The following OTOG variants were observed in gnomAD, a reference collection of about 807,000 sequenced individuals.
OTOG encodes the protein otogelin.
OTOG carries 296 observed loss-of-function variants against 313.8 expected under a neutral mutation model. The ratio of observed to expected loss-of-function variants is 0.94; its 90% CI spans 0.86 to 1.04. The LOEUF (loss-of-function observed/expected upper bound fraction) is 1.04. Among genes scored for constraint, OTOG ranks in the 50% least tolerant of loss-of-function variants. The pLI is 0.00. For missense variants in OTOG, 3,948 were observed against 3,840.1 expected, an observed-to-expected ratio of 1.03 and a Z score of -0.74; for synonymous variants, 1,533 against 1,554.9, an observed-to-expected ratio of 0.99 and a Z score of 0.33.
intron 32 of OTOG, among the ~76,000 whole-genome samples, chr11:17,604,065 A>G (rs1853320716): frequency 6.6e-6 from 1 of 152,146 alleles, no homozygotes; most frequent in African/African-American, 2.4e-5. Context: ...AGGCCCAGAG[A>G]GATTAAGTGA....
chr11:17,629,066 AGATGGATG>A (rs1325047905), intron 39 of OTOG, 59 bp from the exon 40 acceptor site: 1 of 1,410,032 alleles, frequency 7.1e-7, no homozygotes, highest in Non-Finnish European at 9.7e-7. Flanking sequence ...ATGGACGGAC[AGATGGATG>A]GATGGATGGA....
chr11:17,594,260 G>A, intron 28 of OTOG, 94 bp downstream of exon 28: 3 of 1,466,874 alleles, frequency 2.0e-6, no homozygotes, highest in Non-Finnish European at 2.8e-6. Context: ...AGGGATGCTG[G>A]TGTGAGGTTT....
rs1242398133 is a variant in OTOG at position 17,633,846 on chromosome 11, T to G, written c.7239T>G (p.Ser2413=). 2 of 1,546,224 alleles carry G rather than the reference T, an allele frequency of 1.3e-6. No individual in the cohort carries two copies. The highest frequency in any genetic ancestry group is 1.7e-6 in the Non-Finnish European group (2 of 1,145,224). Residue 2413 remains serine (S), a synonymous_variant, in exon 43 of 56, where the codon TCT becomes TCG. Coordinates refer to ENST00000399397, the MANE Select transcript of OTOG (RefSeq NM_001292063.2). ...GCACCATCTTACACCGGCGCCACTCTGCACTCTGCATCCCGGAGGCCAAGT... is the reference window on the plus strand; with the variant it reads ...GCACCATCTTACACCGGCGCCACTCGGCACTCTGCATCCCGGAGGCCAAGT... ...SEGTILHRRH[S]ALCIPEAKCA...
intron 15 of OTOG, among the ~76,000 whole-genome samples, chr11:17,562,291 T>C (rs1192927269): frequency 4.6e-5 from 7 of 151,050 alleles, no homozygotes; most frequent in African/African-American, 1.4e-4. Context: ...AAAGTTAGTT[T>C]TGATTGTTGG....
chr11:17,605,358 C>T (rs1853356293), intron 32 of OTOG, among the ~76,000 whole-genome samples: 1 of 152,204 alleles, frequency 6.6e-6, no homozygotes, highest in Non-Finnish European at 1.5e-5. Context: ...GTTGCCAATG[C>T]TGGCCCTGTG....
intron 39 of OTOG, among the ~76,000 whole-genome samples, chr11:17,621,058 C>CT (rs1241316331): frequency 6.6e-6 from 1 of 152,002 alleles, no homozygotes; most frequent in Non-Finnish European, 1.5e-5. Context: ...CCTTGTCTAC[C>CT]GTGTGTGTCA....
intron 20 of OTOG, 29 bp from the exon 21 acceptor site, chr11:17,576,527 C>G: frequency 6.5e-7 from 1 of 1,533,872 alleles, no homozygotes; most frequent in Non-Finnish European, 8.8e-7. Context: ...TGAGCCTGCT[C>G]ACCTTTCTTT....
chr11:17,582,729 A>G (rs1037602682), intron 23 of OTOG, among the ~76,000 whole-genome samples: 14 of 152,148 alleles, frequency 9.2e-5, no homozygotes, highest in Non-Finnish European at 1.8e-4. Flanking sequence ...GTAATTTTTC[A>G]TATACTTATT....
intron 15 of OTOG, among the ~76,000 whole-genome samples, chr11:17,566,939 A>G (rs1852304388): frequency 6.6e-6 from 1 of 152,226 alleles, no homozygotes; most frequent in Non-Finnish European, 1.5e-5. Flanking sequence ...ATTTGCCTAC[A>G]TCAAGTTTCA....
chr11:17,552,061 A>G lies in OTOG; in HGVS notation c.278A>G (p.Lys93Arg). The change falls in exon 4 of 56, where the codon AAG becomes AGG. Residue 93 changes from lysine to arginine, a missense_variant. By Grantham distance (26) the Lys-to-Arg change is conservative. Transcript: ENST00000399397. ...SSWERRLHRA[K>R]CAPSYLFSCF... ...TGGGAAAGGCGGCTCCATCGGGCCAAGTGTGCACCATCCTGTAAGTGGCAC... is the reference window on the plus strand; with the variant it reads ...TGGGAAAGGCGGCTCCATCGGGCCAGGTGTGCACCATCCTGTAAGTGGCAC... 1 of 1,550,504 alleles carries G rather than the reference A, an allele frequency of 6.4e-7. No homozygotes were observed. The highest frequency in any genetic ancestry group is 1.2e-5 in the South Asian group (1 of 84,066).
At chr11:17,579,612 C>T (rs1442393997) in intron 23 of OTOG, among the ~76,000 whole-genome samples, 1 of 152,200 alleles carries the variant, frequency 6.6e-6, no homozygotes, top group African/African-American at 2.4e-5. Context: ...GAAAGAGAAC[C>T]TGCAAGCAAC....
chr11:17,587,453 G>A (rs1852822413), intron 24 of OTOG, among the ~76,000 whole-genome samples: 1 of 152,188 alleles, frequency 6.6e-6, no homozygotes, highest in African/African-American at 2.4e-5. Flanking sequence ...GGCCTGAGGT[G>A]AGCAGGAAGC....
At chr11:17,641,185 C>A in intron 51 of OTOG, 94 bp downstream of exon 51, 1 of 1,337,450 alleles carries the variant, frequency 7.5e-7, no homozygotes, top group Non-Finnish European at 1.0e-6. Flanking sequence ...CTTGAAGCTG[C>A]CCTAAACCCC....
At chr11:17,549,397 G>T (rs1239599508) in intron 3 of OTOG, among the ~76,000 whole-genome samples, 6 of 152,194 alleles carry the variant, frequency 3.9e-5, no homozygotes, top group Non-Finnish European at 8.8e-5. Context: ...GAGTGAGGGG[G>T]GATGGTGTGG....
In OTOG at chr11:17,570,312, T is replaced by A. The variant is rs1852376466; in HGVS notation, c.1877T>A (p.Leu626Gln). Residue 626 changes from leucine (L) to glutamine (Q), a missense_variant, in exon 17 of 56, where the codon CTG (leucine) becomes CAG (glutamine). Transcript: ENST00000399397. Reference sequence around the variant, plus strand: ...GACCGTGAAGGGCTCCGACTGTACCTGCAAGTGGACCAGCGATGGGTGGAG... The same window carrying A: ...GACCGTGAAGGGCTCCGACTGTACCAGCAAGTGGACCAGCGATGGGTGGAG... ...LYDREGLRLY[L>Q]QVDQRWVEDT... 1 of 1,550,772 alleles carries A rather than the reference T, an allele frequency of 6.4e-7. No individual in the cohort carries two copies. Among genetic ancestry groups the A allele is most frequent in the Non-Finnish European group, 8.7e-7 (1 of 1,147,024 alleles).
In OTOG at chr11:17,610,716, A is replaced by G; in HGVS notation, c.5416A>G (p.Thr1806Ala). The G allele has an allele frequency of 2.6e-6, 4 of 1,550,018 alleles. No homozygotes were observed. The highest frequency in any genetic ancestry group is 3.5e-6 in the Non-Finnish European group (4 of 1,146,964). The change falls in exon 36 of 56, where the codon ACC becomes GCC. Residue 1806 changes from threonine to alanine, a missense_variant. Physicochemically the swap from Thr to Ala is moderately conservative, Grantham distance 58. Transcript: ENST00000399397. ...GCTCCTCTCTGGCCTGCCTCCCGAC[A>G]CCAGCCTGCCCCTGGCCAAGGTGGG... The part of the protein sequence containing the change: ...SQLLSGLPPD[T>A]SLPLAKVGTS...
chr11:17,581,517 C>T (rs1852664732), intron 23 of OTOG, among the ~76,000 whole-genome samples: 1 of 152,192 alleles, frequency 6.6e-6, no homozygotes, highest in Admixed American at 6.5e-5. Flanking sequence ...CAGAAACTGA[C>T]ATCTTGGGAG....
chr11:17,578,109 C>T (rs1283397856), intron 22 of OTOG, among the ~76,000 whole-genome samples: 2 of 152,092 alleles, frequency 1.3e-5, no homozygotes, highest in African/African-American at 2.4e-5. Context: ...TATGATGATG[C>T]AGGGGAAGCA....
chr11:17,642,247 G>T lies in OTOG; in HGVS notation c.8415+1G>T, dbSNP rs773423011. The T allele has an allele frequency of 6.5e-7, 1 of 1,547,624 alleles. No homozygotes were observed. The highest frequency in any genetic ancestry group is 1.4e-5 in the African/African-American group (1 of 72,930). The stretch of plus-strand genomic sequence containing the variant: ...GCTCAATGAGACTGAGTGTGCCAAG[G>T]TCAGTGCCTCCTTCTCCACTGAGGC... On this transcript the variant is annotated splice_donor_variant, in intron 53 of 55. Transcript: ENST00000399397. LOFTEE classifies it high-confidence loss of function.
Sources: allele counts gnomAD v4.1 joint callset (sites outside exome capture counted in the v4.1 genomes callset), GRCh38; gene constraint gnomAD v4.1.1; transcripts MANE v1.5; gene names NCBI Gene and HGNC (gene_info 2026-07-23, HGNC 2026-07-21).